CUX1: variants seen among roughly 807,000 people sequenced by gnomAD.
CUX1 encodes the protein cut like homeobox 1, also known as protein CASP.
A neutral mutation model predicts 158.8 loss-of-function variants in CUX1; 31 were observed. That is an observed-to-expected ratio of 0.20 (90% confidence interval 0.15 to 0.26). The LOEUF (loss-of-function observed/expected upper bound fraction) is 0.26. Ranked by LOEUF, CUX1 falls within the 10% of genes least tolerant of loss-of-function variation. The pLI, the probability that CUX1 is intolerant of heterozygous loss-of-function variation, is 1.00. For synonymous variants in CUX1, 879 were observed against 862.1 expected (o/e 1.02, Z -0.34); for missense variants, 1,589 against 2,014.6 (o/e 0.79, Z 4.04).
intron 8 of CUX1, among the ~76,000 whole-genome samples, chr7:102,133,994 T>C (rs1473919912): frequency 6.6e-6 from 1 of 152,236 alleles, no homozygotes; most frequent in Non-Finnish European, 1.5e-5. Context: ...ATTTGTTATT[T>C]AGTGCAACAG....
At chr7:101,976,104 A>G (rs1041814484) in intron 2 of CUX1, among the ~76,000 whole-genome samples, 1 of 152,174 alleles carries the variant, frequency 6.6e-6, no homozygotes, top group South Asian at 2.1e-4. Flanking sequence ...CTGCACTCCA[A>G]CCTGGGCACA....
chr7:102,086,978 G>C (rs1828014125), intron 4 of CUX1, among the ~76,000 whole-genome samples: 2 of 151,918 alleles, frequency 1.3e-5, no homozygotes, highest in Non-Finnish European at 2.9e-5. Context: ...TTTGATGAGA[G>C]TTTTTATGTT....
chr7:101,825,439 G>A (rs1793144625), intron 1 of CUX1, among the ~76,000 whole-genome samples: 2 of 152,188 alleles, frequency 1.3e-5, no homozygotes, highest in Admixed American at 1.3e-4. Context: ...CGATGAGCCT[G>A]GAGGACCACA....
chr7:102,257,483 G>A lies in CUX1; in HGVS notation c.*8441G>A. On this transcript the variant is annotated 3_prime_UTR_variant, in exon 24 of 24. Transcript: ENST00000292535. ...TTCACCCAAAATTCTTAAAACATTG[G>A]AGAATAGCTTGTTATAAAATAAAAG... The A allele has an allele frequency of 1.0e-6, 1 of 985,296 alleles. No homozygotes were observed. Among genetic ancestry groups the A allele is most frequent in the Non-Finnish European group, 1.2e-6 (1 of 829,908 alleles). 61.0% of individuals were successfully genotyped at this position (985,296 alleles called of 1,614,324 possible).
intron 3 of CUX1, among the ~76,000 whole-genome samples, chr7:102,030,254 C>T (rs962395174): frequency 1.3e-5 from 2 of 152,148 alleles, no homozygotes; most frequent in African/African-American, 4.8e-5. Flanking sequence ...TCAGGTGATC[C>T]GCCCGCTTCG....
intron 1 of CUX1, among the ~76,000 whole-genome samples, chr7:101,901,265 C>T (rs1361273180): frequency 6.6e-6 from 1 of 151,918 alleles, no homozygotes; most frequent in Non-Finnish European, 1.5e-5. Flanking sequence ...CACCAGCCTT[C>T]TTCTACTTGC....
chr7:102,216,604 A>ACT lies in CUX1; in HGVS notation c.3131-10762_3131-10761insTC, dbSNP rs1554524719. On this transcript the variant is annotated intron_variant, in intron 20 of 23. Coordinates refer to ENST00000292535, the MANE Select transcript of CUX1 (RefSeq NM_181552.4). ...CTCTCCCACACACACACTCCCACAC[A>ACT]CACACACACACTCCCCACACACACA... Among the ~76,000 whole-genome samples the ACT allele has an allele frequency of 1.4e-3, 88 of 64,898 alleles. No individual in the cohort carries two copies. The Admixed American group carries it at 0.018, about 13-fold the overall frequency. 42.6% of individuals were successfully genotyped at this position (64,898 alleles called of 152,430 possible).
chr7:102,128,120 G>A (rs1437099727), intron 8 of CUX1, among the ~76,000 whole-genome samples: 1 of 152,194 alleles, frequency 6.6e-6, no homozygotes, highest in African/African-American at 2.4e-5. Flanking sequence ...TTACAGGCGT[G>A]AGCCACCACG....
chr7:101,998,887 C>T (rs1816319490), intron 2 of CUX1, among the ~76,000 whole-genome samples: 1 of 152,230 alleles, frequency 6.6e-6, no homozygotes, highest in African/African-American at 2.4e-5. Flanking sequence ...AAACAGGCCC[C>T]TGAGCCCCCA....
At chr7:102,192,233 A>G (rs1275904158) in intron 12 of CUX1, among the ~76,000 whole-genome samples, 4 of 152,164 alleles carry the variant, frequency 2.6e-5, no homozygotes, top group African/African-American at 9.7e-5. Context: ...CTGTCCCTTC[A>G]GGGCCCTTCT....
chr7:102,191,744 TTCC>T lies in CUX1; in HGVS notation c.1076+1882_1076+1884del, dbSNP rs1281773236. ...TTCTTTCTTCCTCTCTTCTTCTTTC[TTCC>T]TCCTCCTCTTCTTCTTTCTTCCTCT... On this transcript the variant is annotated intron_variant, in intron 12 of 23. Coordinates refer to ENST00000292535, the MANE Select transcript of CUX1 (RefSeq NM_181552.4). Among the ~76,000 whole-genome samples, 53 of 151,984 alleles carry T rather than the reference TTCC, an allele frequency of 3.5e-4. 1 individual carries two copies. Among genetic ancestry groups the T allele is most frequent in the Non-Finnish European group, 2.9e-5 (2 of 68,000 alleles).
intron 2 of CUX1, among the ~76,000 whole-genome samples, chr7:101,937,687 A>AT (rs2129131542): frequency 6.6e-6 from 1 of 151,746 alleles, no homozygotes; most frequent in African/African-American, 2.4e-5. Flanking sequence ...ATTTTTTTGT[A>AT]TTTTTAGTAG....
At chr7:101,862,130 C>T (rs973637572) in intron 1 of CUX1, among the ~76,000 whole-genome samples, 15 of 152,290 alleles carry the variant, frequency 9.8e-5, no homozygotes, top group African/African-American at 2.9e-4. Context: ...CCACTGTGCC[C>T]GGCCACCCCT....
At position 102,147,406 on chromosome 7, in the gene CUX1, G is replaced by C. The variant is rs575748845; in HGVS notation, c.675-11154G>C. ...TGTTGGGCACGGGGATGAGTGATGA[G>C]TGGTGAGCTGGGCCACCTGGTTCTG... On this transcript the variant is annotated intron_variant, in intron 8 of 23. Transcript: ENST00000292535. 2.0e-5 allele frequency among the ~76,000 whole-genome samples: 3 copies of C among 152,338 alleles called. No individual in the cohort carries two copies. In the South Asian group the frequency reaches 6.2e-4, roughly 32 times the overall value.
At chr7:101,902,056 A>T in intron 1 of CUX1, among the ~76,000 whole-genome samples, 1 of 152,208 alleles carries the variant, frequency 6.6e-6, no homozygotes, top group East Asian at 1.9e-4. Flanking sequence ...CTCAGCCACA[A>T]CGGTTTCCCT....
In CUX1 at chr7:101,869,959, G is replaced by T. The variant is rs942262917; in HGVS notation, c.31-46156G>T. On this transcript the variant is annotated intron_variant, in intron 1 of 23. Coordinates refer to ENST00000292535, the MANE Select transcript of CUX1 (RefSeq NM_181552.4). This position sits in a 1 kb window ranked among gnomAD's most constrained non-coding sequence, Gnocchi z 4.5. ...CAGAACCACCACCCTTGGGAAGGCGGCTCCTCGTGCCCCCCCTCTTGTGCC... is the reference window on the plus strand; with the variant it reads ...CAGAACCACCACCCTTGGGAAGGCGTCTCCTCGTGCCCCCCCTCTTGTGCC... Among the ~76,000 whole-genome samples, 1 of 151,928 alleles carries T rather than the reference G, an allele frequency of 6.6e-6. No individual in the cohort carries two copies. Among genetic ancestry groups the T allele is most frequent in the Non-Finnish European group, 1.5e-5 (1 of 67,980 alleles).
At chr7:102,161,955 C>G (rs1185395128) in intron 9 of CUX1, among the ~76,000 whole-genome samples, 1 of 152,106 alleles carries the variant, frequency 6.6e-6, no homozygotes, top group Non-Finnish European at 1.5e-5. Context: ...AAAACAGCTC[C>G]TTGGAGTGCA....
chr7:101,819,659 C>T (rs1305741462), intron 1 of CUX1, among the ~76,000 whole-genome samples: 1 of 152,186 alleles, frequency 6.6e-6, no homozygotes, highest in Non-Finnish European at 1.5e-5. Flanking sequence ...TACACCACTG[C>T]TGCTCCTGCT....
At chr7:102,176,499 G>A (rs910203184) in intron 10 of CUX1, among the ~76,000 whole-genome samples, 3 of 150,006 alleles carry the variant, frequency 2.0e-5, no homozygotes, top group Admixed American at 2.0e-4. Context: ...CGTCTGTCAT[G>A]CCCAGAATTG....
Sources: allele counts gnomAD v4.1 joint callset (sites outside exome capture counted in the v4.1 genomes callset), GRCh38; gene constraint gnomAD v4.1.1; non-coding constraint Gnocchi (gnomAD v3.1); transcripts MANE v1.5; gene names NCBI Gene and HGNC (gene_info 2026-07-23, HGNC 2026-07-21).